CCSER1: variants seen among roughly 807,000 people sequenced by gnomAD.
CCSER1 encodes the protein serine-rich coiled-coil domain-containing protein 1.
In CCSER1, 41 loss-of-function variants were observed where a neutral mutation model predicts 82.0. That is an observed-to-expected ratio of 0.50 (90% CI 0.39 to 0.65). The LOEUF is 0.65. Among genes scored for constraint, CCSER1 ranks in the 30% least tolerant of loss-of-function variants. The pLI, the probability that CCSER1 is intolerant of heterozygous loss-of-function variation, is 0.00. For missense variants in CCSER1, 1,119 were observed against 1,064.2 expected, an observed-to-expected ratio of 1.05 and a Z score of -0.72; for synonymous variants, 414 against 383.9, an observed-to-expected ratio of 1.08 and a Z score of -0.92.
At chr4:90,248,787 T>G (rs72877737) in intron 1 of CCSER1, among the ~76,000 whole-genome samples, 6,769 of 151,852 alleles carry the variant, frequency 0.045, 393 homozygotes, top group African/African-American at 0.13. Flanking sequence ...AGCCTCGACC[T>G]TCTAGGCTTA....
intron 10 of CCSER1, among the ~76,000 whole-genome samples, chr4:91,585,775 T>C (rs1379397754): frequency 1.3e-5 from 2 of 151,420 alleles, no homozygotes; most frequent in Non-Finnish European, 3.0e-5. Flanking sequence ...CTAATGTTGC[T>C]AGAAACCCAA....
chr4:90,706,237 G>A (rs148255383), intron 6 of CCSER1, among the ~76,000 whole-genome samples: 122 of 152,266 alleles, frequency 8.0e-4, no homozygotes, highest in Middle Eastern at 3.4e-3. Context: ...GACTAAGACT[G>A]AAAACCACCT....
At chr4:91,137,780 A>G (rs1728628273) in intron 10 of CCSER1, among the ~76,000 whole-genome samples, 1 of 151,962 alleles carries the variant, frequency 6.6e-6, no homozygotes, top group Admixed American at 6.6e-5. Context: ...AAGCATTCTT[A>G]TACACCAACA....
At chr4:90,200,082 A>ACG (rs1266741846) in intron 1 of CCSER1, among the ~76,000 whole-genome samples, 1 of 151,408 alleles carries the variant, frequency 6.6e-6, no homozygotes, top group Non-Finnish European at 1.5e-5. Flanking sequence ...ACACACACAC[A>ACG]CACACACACA....
chr4:90,657,688 T>C (rs1729964001), intron 6 of CCSER1, among the ~76,000 whole-genome samples: 1 of 152,250 alleles, frequency 6.6e-6, no homozygotes. Context: ...AAATTTCAAT[T>C]ATCATATGTT....
At chr4:91,547,736 C>A (rs1161492048) in intron 10 of CCSER1, among the ~76,000 whole-genome samples, 1 of 151,854 alleles carries the variant, frequency 6.6e-6, no homozygotes, top group Non-Finnish European at 1.5e-5. Flanking sequence ...ATATTTGTTG[C>A]TTTTATATTT....
At chr4:91,505,095 C>T (rs6843488) in intron 10 of CCSER1, among the ~76,000 whole-genome samples, 16,749 of 152,206 alleles carry the variant, frequency 0.11, 1,055 homozygotes, top group Middle Eastern at 0.2. Context: ...TCTCCCTTCC[C>T]CTACCCCACT....
At position 90,780,511 on chromosome 4, in the gene CCSER1, A is replaced by C. The variant is rs570045712; in HGVS notation, c.2011-35251A>C. The C allele has an allele frequency of 1.9e-6, 3 of 1,609,022 alleles. No individual in the cohort carries two copies. In the South Asian group the frequency reaches 3.3e-5, roughly 18 times the overall value. On this transcript the variant is annotated intron_variant, in intron 7 of 10. Transcript: ENST00000509176. ...GAAGATTGGGGTTCAGGAGGCCTAGATGATCCACCATGACTTATTCAAAAG... is the reference window on the plus strand; with the variant it reads ...GAAGATTGGGGTTCAGGAGGCCTAGCTGATCCACCATGACTTATTCAAAAG...
Position 91,604,134 on chromosome 4 carries a change from G to C in CCSER1, c.*5077G>C, listed in dbSNP as rs545237440. The C allele has an allele frequency of 2.0e-5, 3 of 152,176 alleles. No homozygotes were observed. The highest frequency in any genetic ancestry group is 2.1e-4 in the South Asian group (1 of 4,828). The allele number at this position is 152,176 out of a possible 1,614,324, so 9.4% of individuals were successfully genotyped here. On this transcript the variant is annotated 3_prime_UTR_variant, in exon 11 of 11. Coordinates refer to ENST00000509176, the MANE Select transcript of CCSER1 (RefSeq NM_001145065.2). ...TTTTACTCTTTTGTAGATTAGATCA[G>C]AGACATTAGGTAACTTGTCCAGGAC...
chr4:91,229,717 A>T (rs1738473731), intron 10 of CCSER1, among the ~76,000 whole-genome samples: 1 of 152,182 alleles, frequency 6.6e-6, no homozygotes, highest in African/African-American at 2.4e-5. Context: ...CCTCATTCTC[A>T]GCAAACTAAC....
At position 90,360,821 on chromosome 4, in the gene CCSER1, TA is replaced by T. The variant is rs545318388; in HGVS notation, c.1510-39214del. On this transcript the variant is annotated intron_variant, in intron 3 of 10. Coordinates refer to ENST00000509176, the MANE Select transcript of CCSER1 (RefSeq NM_001145065.2). ...ATTACCATACGGTTAAAGATCACCA[TA>T]TTTTCAAAGAAAAGATTGTATACCT... 6.6e-5 allele frequency among the ~76,000 whole-genome samples: 10 copies of T among 152,276 alleles called. No homozygotes were observed. The South Asian group carries it at 1.9e-3, about 28-fold the overall frequency.
chr4:90,939,396 G>A (rs933344463), intron 9 of CCSER1, among the ~76,000 whole-genome samples: 15 of 152,170 alleles, frequency 9.9e-5, no homozygotes, highest in Admixed American at 4.6e-4. Context: ...CTGTGGCCTG[G>A]ACTTGAATTG....
intron 10 of CCSER1, among the ~76,000 whole-genome samples, chr4:91,135,099 C>T (rs1203434160): frequency 6.6e-6 from 1 of 151,856 alleles, no homozygotes. Context: ...ATTTTCCCCC[C>T]ACTTACTGAC....
chr4:90,627,972 C>A (rs1480932218), intron 5 of CCSER1, 53 bp from the exon 6 acceptor site: 18 of 1,389,550 alleles, frequency 1.3e-5, no homozygotes, highest in Non-Finnish European at 1.7e-5. Context: ...TTGGGAAATA[C>A]TGCTCTAAGC....
At chr4:90,949,095 A>T (rs1165744426) in intron 9 of CCSER1, among the ~76,000 whole-genome samples, 4 of 152,104 alleles carry the variant, frequency 2.6e-5, no homozygotes, top group African/African-American at 4.8e-5. Flanking sequence ...ATTTGTATAG[A>T]GAAAGAGATG....
At chr4:91,149,547 C>T (rs1479690600) in intron 10 of CCSER1, among the ~76,000 whole-genome samples, 3 of 152,094 alleles carry the variant, frequency 2.0e-5, no homozygotes, top group Non-Finnish European at 4.4e-5. Flanking sequence ...ACATGAAGAC[C>T]TTGCCCATGC....
intron 7 of CCSER1, chr4:90,781,292 G>T: frequency 1.0e-6 from 1 of 985,100 alleles, no homozygotes; most frequent in Non-Finnish European, 1.2e-6. Context: ...TACAGAAACA[G>T]ACACTGTGCT....
intron 6 of CCSER1, among the ~76,000 whole-genome samples, chr4:90,684,918 T>C (rs945962228): frequency 4.6e-5 from 7 of 152,190 alleles, no homozygotes; most frequent in African/African-American, 1.7e-4. Context: ...GCCATGATTG[T>C]GAGGCCTTTC....
intron 9 of CCSER1, among the ~76,000 whole-genome samples, chr4:90,959,595 G>T (rs1439980398): frequency 6.6e-6 from 1 of 152,050 alleles, no homozygotes; most frequent in African/African-American, 2.4e-5. Flanking sequence ...AACTTAAAGT[G>T]CCCTCACTTT....
Sources: gnomAD v4.1 joint callset for allele counts (sites outside exome capture counted in the v4.1 genomes callset) on GRCh38, gnomAD v4.1.1 for gene constraint, MANE v1.5 for transcripts, NCBI Gene and HGNC (gene_info 2026-07-23, HGNC 2026-07-21) for gene names.